ATP8A2: variants seen among roughly 807,000 people sequenced by gnomAD.
ATP8A2 encodes the protein phospholipid-transporting ATPase IB.
ATP8A2 carries 100 observed loss-of-function variants against 165.6 expected under a neutral mutation model. The observed-to-expected ratio is 0.60, with a 90% confidence interval of 0.51 to 0.71. The LOEUF (loss-of-function observed/expected upper bound fraction) is 0.71. Among genes scored for constraint, ATP8A2 ranks in the 30% least tolerant of loss-of-function variants. The pLI, the probability that ATP8A2 is intolerant of heterozygous loss-of-function variation, is 0.00. For missense variants in ATP8A2, 1,227 were observed against 1,479.5 expected (o/e 0.83, Z 2.80); for synonymous variants, 543 against 548.8 (o/e 0.99, Z 0.15).
chr13:25,391,834 G>T (rs1306699958), intron 1 of ATP8A2, among the ~76,000 whole-genome samples: 1 of 152,200 alleles, frequency 6.6e-6, no homozygotes, highest in African/African-American at 2.4e-5. Flanking sequence ...GTGGATGGAG[G>T]GTTCAGGGAA....
At position 25,794,179 on chromosome 13, in the gene ATP8A2, GAAAGA is replaced by G. The variant is rs369210338; in HGVS notation, c.2679+19222_2679+19226del. ...TGAGCAGCATGTTTTCCATCTTGAAGAAAGAAGAGGTGGGAATTCAGAATGGTGCA... is the reference window on the plus strand; with the variant it reads ...TGAGCAGCATGTTTTCCATCTTGAAGAGAGGTGGGAATTCAGAATGGTGCA... On this transcript the variant is annotated intron_variant, in intron 27 of 36. Coordinates refer to ENST00000381655, the MANE Select transcript of ATP8A2 (RefSeq NM_016529.6). Among the ~76,000 whole-genome samples the G allele has an allele frequency of 2.2e-3, 337 of 152,360 alleles. 1 individual carries two copies. The highest frequency in any genetic ancestry group is 7.8e-3 in the African/African-American group (326 of 41,594).
intron 30 of ATP8A2, among the ~76,000 whole-genome samples, chr13:25,841,405 C>T (rs768521277): frequency 1.3e-5 from 2 of 152,112 alleles, no homozygotes; most frequent in African/African-American, 4.8e-5. Context: ...TTTATTGAGC[C>T]TTCAGCATAG....
Position 25,837,297 on chromosome 13 carries a change from G to A in ATP8A2, c.2877+12G>A. 6.2e-7 allele frequency: 1 copy of A among 1,613,848 alleles called. No homozygotes were observed. The highest frequency in any genetic ancestry group is 1.6e-4 in the Middle Eastern group (1 of 6,062). On this transcript the variant is annotated intron_variant, in intron 29 of 36. Coordinates refer to ENST00000381655, the MANE Select transcript of ATP8A2 (RefSeq NM_016529.6). ...GCTTCAACACAAAGGTAAACAGAGT[G>A]TGATCTCAGAACTGTCACCTCAGAA...
At chr13:25,488,342 C>T (rs1357786387) in intron 2 of ATP8A2, among the ~76,000 whole-genome samples, 4 of 152,206 alleles carry the variant, frequency 2.6e-5, no homozygotes, top group African/African-American at 9.7e-5. Context: ...CCCCGTGCCC[C>T]TGGCAGTCAC....
At chr13:25,587,986 A>G (rs2039970681) in intron 23 of ATP8A2, among the ~76,000 whole-genome samples, 1 of 152,092 alleles carries the variant, frequency 6.6e-6, no homozygotes, top group African/African-American at 2.4e-5. Flanking sequence ...TTAGAGATGT[A>G]ACAGGTATTT....
chr13:25,618,705 G>T (rs1414804775), intron 24 of ATP8A2, among the ~76,000 whole-genome samples: 1 of 133,046 alleles, frequency 7.5e-6, no homozygotes, highest in Non-Finnish European at 1.6e-5. Flanking sequence ...TTTTTTCCCA[G>T]CAAGATCTCT....
intron 33 of ATP8A2, among the ~76,000 whole-genome samples, chr13:25,883,551 A>C (rs1392993087): frequency 6.6e-6 from 1 of 152,156 alleles, no homozygotes; most frequent in Non-Finnish European, 1.5e-5. Flanking sequence ...GTTCACAGCA[A>C]TTCCTTCCTC....
intron 25 of ATP8A2, among the ~76,000 whole-genome samples, chr13:25,715,808 G>T (rs959762324): frequency 1.3e-5 from 2 of 151,922 alleles, no homozygotes; most frequent in Admixed American, 1.3e-4. Context: ...ATTTCTCTTG[G>T]GTATATACCT....
At chr13:25,828,915 G>C (rs1951385001) in intron 28 of ATP8A2, among the ~76,000 whole-genome samples, 1 of 152,070 alleles carries the variant, frequency 6.6e-6, no homozygotes. Context: ...CCCATTTTTT[G>C]AGTTGTTCTC....
intron 24 of ATP8A2, among the ~76,000 whole-genome samples, chr13:25,654,891 A>G (rs911063705): frequency 1.1e-4 from 16 of 152,174 alleles, no homozygotes; most frequent in African/African-American, 3.1e-4. Context: ...TCTTTGGGAT[A>G]TCTGTTGGCA....
intron 10 of ATP8A2, among the ~76,000 whole-genome samples, chr13:25,549,099 T>G (rs1025874159): frequency 2.6e-5 from 4 of 152,184 alleles, no homozygotes; most frequent in Admixed American, 1.3e-4. Context: ...CAAGGTACCA[T>G]TTTTATGGTT....
At chr13:25,566,293 G>T (rs1593546425) in intron 16 of ATP8A2, among the ~76,000 whole-genome samples, 2 of 150,738 alleles carry the variant, frequency 1.3e-5, no homozygotes, top group Non-Finnish European at 2.9e-5. Context: ...TCCTTTCTTG[G>T]ATTCTGATCT....
At chr13:26,017,623 A>G (rs916059414) in intron 36 of ATP8A2, among the ~76,000 whole-genome samples, 3 of 152,216 alleles carry the variant, frequency 2.0e-5, no homozygotes, top group African/African-American at 7.2e-5. Context: ...GTGAAAATCC[A>G]AAAGCTCTTA....
At chr13:25,739,516 A>G (rs2138137864) in intron 25 of ATP8A2, among the ~76,000 whole-genome samples, 1 of 152,228 alleles carries the variant, frequency 6.6e-6, no homozygotes, top group East Asian at 1.9e-4. Context: ...TTATTTTTTT[A>G]GCAGAAATTT....
chr13:25,866,908 G>A (rs1466622266), intron 33 of ATP8A2, among the ~76,000 whole-genome samples: 6 of 152,120 alleles, frequency 3.9e-5, no homozygotes, highest in Admixed American at 2.0e-4. Context: ...AGCTGGTGAC[G>A]GTGACCACCG....
At chr13:25,523,633 G>A (rs893875913) in intron 2 of ATP8A2, among the ~76,000 whole-genome samples, 4 of 151,896 alleles carry the variant, frequency 2.6e-5, no homozygotes, top group African/African-American at 7.3e-5. Context: ...TTTCTTCTTG[G>A]TTTCTGATTT....
intron 25 of ATP8A2, among the ~76,000 whole-genome samples, chr13:25,753,576 A>G (rs1040742447): frequency 5.4e-4 from 82 of 152,346 alleles, no homozygotes; most frequent in African/African-American, 2.0e-3. Flanking sequence ...CTGGGAAAAC[A>G]GCAAACATGG....
intron 33 of ATP8A2, among the ~76,000 whole-genome samples, chr13:25,896,468 T>C (rs1593522227): frequency 6.6e-6 from 1 of 152,242 alleles, no homozygotes; most frequent in Non-Finnish European, 1.5e-5. Context: ...TGGTCAATTT[T>C]GGAATAAGTG....
intron 27 of ATP8A2, among the ~76,000 whole-genome samples, chr13:25,810,369 G>A (rs895122507): frequency 1.3e-5 from 2 of 152,176 alleles, no homozygotes; most frequent in Middle Eastern, 3.4e-3. Context: ...GCCTTTCCTC[G>A]GGGAACCCTC....
Sources: gnomAD v4.1 joint callset for allele counts (sites outside exome capture counted in the v4.1 genomes callset) on GRCh38, gnomAD v4.1.1 for gene constraint, MANE v1.5 for transcripts, NCBI Gene and HGNC (gene_info 2026-07-23, HGNC 2026-07-21) for gene names.